Variants in SMC1B observed in about 807,000 individuals in gnomAD.
The protein encoded by SMC1B is structural maintenance of chromosomes protein 1B.
Under a neutral mutation model 157.9 loss-of-function variants are expected in SMC1B, and 60 were observed. That is an observed-to-expected ratio of 0.38 (90% CI 0.31 to 0.47). The LOEUF (loss-of-function observed/expected upper bound fraction) is 0.47. Ranked by LOEUF, SMC1B falls within the 20% of genes least tolerant of loss-of-function variation. SMC1B has a pLI of 0.99. For missense variants in SMC1B, 1,165 were observed against 1,426.2 expected, an observed-to-expected ratio of 0.82 and a Z score of 2.95; for synonymous variants, 445 against 483.0, an observed-to-expected ratio of 0.92 and a Z score of 1.03.
chr22:45,394,635 T>C lies in SMC1B; in HGVS notation c.1337+50A>G, dbSNP rs544114010. Reference sequence around the variant, plus strand: ...TGGGCGATGGGAGTGAGACCCTCTCTCAAAAAATAAAAGAAAATTGCTGCA... The same window carrying C: ...TGGGCGATGGGAGTGAGACCCTCTCCCAAAAAATAAAAGAAAATTGCTGCA... On this transcript the variant is annotated intron_variant, in intron 8 of 24. Coordinates refer to ENST00000357450, the MANE Select transcript of SMC1B (RefSeq NM_148674.5). 20 of 1,460,514 alleles carry C rather than the reference T, an allele frequency of 1.4e-5. No homozygotes were observed. In the African/African-American group the frequency reaches 2.3e-4, roughly 17 times the overall value. 90.5% of individuals were successfully genotyped at this position (1,460,514 alleles called of 1,614,324 possible).
At chr22:45,408,539 C>T (rs867613518) in intron 2 of SMC1B, among the ~76,000 whole-genome samples, 171 bp downstream of exon 2, 3 of 151,932 alleles carry the variant, frequency 2.0e-5, no homozygotes, top group African/African-American at 7.3e-5. Context: ...AAATATGTGG[C>T]GAATCAAACA....
chr22:45,394,967 C>G (rs139341259), intron 7 of SMC1B, among the ~76,000 whole-genome samples, 200 bp from the exon 8 acceptor site: 7 of 152,310 alleles, frequency 4.6e-5, no homozygotes, highest in African/African-American at 1.7e-4. Flanking sequence ...TATTTGATCT[C>G]TAGCGATTTC....
chr22:45,390,017 T>A, intron 9 of SMC1B, 120 bp from the exon 10 acceptor site: 1 of 760,068 alleles, frequency 1.3e-6, no homozygotes, highest in Non-Finnish European at 2.1e-6. Context: ...ATTACATACA[T>A]CATAATTAAT....
At chr22:45,398,405 C>T (rs992732483) in intron 6 of SMC1B, among the ~76,000 whole-genome samples, 2 of 152,190 alleles carry the variant, frequency 1.3e-5, no homozygotes, top group African/African-American at 2.4e-5. Context: ...CTGTGGGATT[C>T]GCGCCAGAGT....
At chr22:45,397,493 C>T (rs1250179430) in intron 6 of SMC1B, among the ~76,000 whole-genome samples, 2 of 152,136 alleles carry the variant, frequency 1.3e-5, no homozygotes, top group African/African-American at 4.8e-5. Context: ...GGGGTGGGTC[C>T]CCAGTGAAAC....
At chr22:45,391,808 C>T (rs1186039484) in intron 9 of SMC1B, among the ~76,000 whole-genome samples, 1 of 152,160 alleles carries the variant, frequency 6.6e-6, no homozygotes, top group Non-Finnish European at 1.5e-5. Context: ...TACCAAGGTT[C>T]TTCTACTTTG....
chr22:45,381,697 C>A (rs1484320743), intron 12 of SMC1B, among the ~76,000 whole-genome samples: 1 of 152,174 alleles, frequency 6.6e-6, no homozygotes, highest in Non-Finnish European at 1.5e-5. Flanking sequence ...TTAGCATGGA[C>A]ATGGATGGGA....
chr22:45,402,105 G>A (rs367867193), intron 5 of SMC1B, among the ~76,000 whole-genome samples: 20 of 152,080 alleles, frequency 1.3e-4, no homozygotes, highest in South Asian at 1.0e-3. Context: ...GGATGGTCTC[G>A]ATCTCCTTAC....
chr22:45,372,512 G>T, intron 12 of SMC1B, among the ~76,000 whole-genome samples: 1 of 152,070 alleles, frequency 6.6e-6, no homozygotes, highest in East Asian at 1.9e-4. Flanking sequence ...GTGCTTAATA[G>T]GAAAGAATTG....
chr22:45,403,851 G>A (rs2087225913), intron 4 of SMC1B, among the ~76,000 whole-genome samples: 1 of 152,158 alleles, frequency 6.6e-6, no homozygotes, highest in Non-Finnish European at 1.5e-5. Flanking sequence ...ACTAAACTCT[G>A]ATCTTTTTTC....
chr22:45,369,734 C>T (rs987402203), intron 15 of SMC1B, among the ~76,000 whole-genome samples: 1 of 151,372 alleles, frequency 6.6e-6, no homozygotes, highest in Non-Finnish European at 1.5e-5. Flanking sequence ...TTAGTAGAGA[C>T]GGGGTTTCAC....
At chr22:45,348,761 C>T (rs112781738) in intron 23 of SMC1B, among the ~76,000 whole-genome samples, 309 of 150,942 alleles carry the variant, frequency 2.0e-3, no homozygotes, top group African/African-American at 7.0e-3. Context: ...TGCAGTGGCA[C>T]GGTCTCGGCT....
intron 15 of SMC1B, among the ~76,000 whole-genome samples, chr22:45,365,677 C>T (rs1389501415): frequency 6.6e-6 from 1 of 152,064 alleles, no homozygotes; most frequent in Non-Finnish European, 1.5e-5. Flanking sequence ...TGCACTCCAG[C>T]CTGGGTTGAC....
intron 17 of SMC1B, 37 bp from the exon 18 acceptor site, chr22:45,359,995 A>G: frequency 1.3e-6 from 2 of 1,544,140 alleles, no homozygotes; most frequent in Non-Finnish European, 1.8e-6. Flanking sequence ...AATTTTACTC[A>G]TTATGTAACA....
Position 45,393,814 on chromosome 22 carries a change from T to C in SMC1B, c.1365A>G (p.Gln455=). The change falls in exon 9 of 25, where the codon CAA becomes CAG. Residue 455 remains glutamine, a synonymous_variant. Transcript: ENST00000357450. The part of the protein sequence containing the change: ...CMDCLKEKKQ[Q]EETLVDEIEK... ...CAATTTCATCCACTAGGGTTTCCTC[T>C]TGCTGTTTTTTCTCTTTCAAGCAAT... 3 of 1,611,208 alleles carry C rather than the reference T, an allele frequency of 1.9e-6. No homozygotes were observed. The highest frequency in any genetic ancestry group is 2.5e-6 in the Non-Finnish European group (3 of 1,178,552).
rs557392959 is a variant in SMC1B at position 45,359,898 on chromosome 22, T to C, written c.2769A>G (p.Arg923=). ...CAAGCAGCAAGTTATGCTTCTCTAA[T>C]CGTTTCTGTTCCAGAGAAGTTTGAA... The part of the protein sequence containing the change: ...VSIQTSLEQK[R]LEKHNLLLDC... The change falls in exon 18 of 25, where the codon CGA becomes CGG. Residue 923 remains arginine (R), a synonymous_variant. Coordinates refer to ENST00000357450, the MANE Select transcript of SMC1B (RefSeq NM_148674.5). 1 of 1,614,112 alleles carries C rather than the reference T, an allele frequency of 6.2e-7. No homozygotes were observed. Among genetic ancestry groups the C allele is most frequent in the Admixed American group, 1.7e-5 (1 of 60,022 alleles).
At chr22:45,374,193 GGTT>G (rs1234158686) in intron 12 of SMC1B, among the ~76,000 whole-genome samples, 3 of 143,134 alleles carry the variant, frequency 2.1e-5, no homozygotes, top group Non-Finnish European at 4.5e-5. Context: ...TAAAATGACT[GGTT>G]GTTTAAGAAA....
At chr22:45,374,053 T>G (rs2086860038) in intron 12 of SMC1B, among the ~76,000 whole-genome samples, 1 of 140,254 alleles carries the variant, frequency 7.1e-6, no homozygotes, top group South Asian at 2.2e-4. Flanking sequence ...AACCGGAAAA[T>G]AAGAGAGAAG....
intron 10 of SMC1B, among the ~76,000 whole-genome samples, chr22:45,388,943 T>C (rs136597): frequency 0.63 from 89,108 of 142,506 alleles, 29,868 homozygotes; most frequent in African/African-American, 0.9. Context: ...ACCAAGATCG[T>C]GCCACTGCAC....
Sources: allele counts gnomAD v4.1 joint callset (sites outside exome capture counted in the v4.1 genomes callset), GRCh38; gene constraint gnomAD v4.1.1; transcripts MANE v1.5; gene names NCBI Gene and HGNC (gene_info 2026-07-23, HGNC 2026-07-21).